Variants in EYS observed in about 807,000 individuals in gnomAD.
EYS encodes the protein EGF-like photoreceptor maintenance factor.
Under a neutral mutation model 282.1 loss-of-function variants are expected in EYS, and 250 were observed. The ratio of observed to expected loss-of-function variants is 0.89; its 90% CI spans 0.80 to 0.98. The LOEUF (loss-of-function observed/expected upper bound fraction) is 0.98, where lower values mean the gene tolerates loss of function less well. Among genes scored for constraint, EYS ranks in the 50% least tolerant of loss-of-function variants. EYS has a pLI of 0.00. For missense variants in EYS, 4,016 were observed against 3,709.0 expected, an observed-to-expected ratio of 1.08 and a Z score of -2.15; for synonymous variants, 1,355 against 1,282.9, an observed-to-expected ratio of 1.06 and a Z score of -1.20.
chr6:65,594,878 A>G (rs995622738), intron 2 of EYS, among the ~76,000 whole-genome samples: 1 of 152,112 alleles, frequency 6.6e-6, no homozygotes, highest in East Asian at 1.9e-4. Flanking sequence ...AGCTTTCTAC[A>G]TATGGCTAGC....
intron 33 of EYS, among the ~76,000 whole-genome samples, chr6:64,048,477 C>T (rs1372537960): frequency 6.6e-6 from 1 of 152,008 alleles, no homozygotes; most frequent in Admixed American, 6.6e-5. Context: ...GTGACCTGAG[C>T]TGGCCTAGAA....
intron 9 of EYS, among the ~76,000 whole-genome samples, chr6:65,346,432 GA>G (rs1190206501): frequency 1.2e-4 from 18 of 146,482 alleles, no homozygotes; most frequent in Non-Finnish European, 2.2e-4. Flanking sequence ...AACAATGTCC[GA>G]AGTGTGTATA....
At chr6:64,561,205 C>G (rs1765384307) in intron 26 of EYS, among the ~76,000 whole-genome samples, 1 of 151,948 alleles carries the variant, frequency 6.6e-6, no homozygotes, top group Non-Finnish European at 1.5e-5. Context: ...TATGACAAAC[C>G]CACAGCCAAC....
At chr6:64,472,798 A>G (rs1562014181) in intron 26 of EYS, among the ~76,000 whole-genome samples, 1 of 152,170 alleles carries the variant, frequency 6.6e-6, no homozygotes, top group Non-Finnish European at 1.5e-5. Flanking sequence ...AGTTAGGGGT[A>G]GAAGCAGCTA....
At position 64,403,353 on chromosome 6, in the gene EYS, A is replaced by T. The variant is rs532228711; in HGVS notation, c.5928-14513T>A. On this transcript the variant is annotated intron_variant, in intron 28 of 42. Transcript: ENST00000503581. ...TCTTAATCATTAAAAGGATAAAAAA[A>T]ACAAAGTAATTTTTTTTTTCTGAGA... is the stretch of plus-strand genomic sequence containing the variant. Among the ~76,000 whole-genome samples the T allele has an allele frequency of 3.3e-5, 5 of 152,238 alleles. No individual in the cohort carries two copies. The South Asian group carries it at 1.0e-3, about 32-fold the overall frequency.
chr6:64,156,778 G>A (rs535529342), intron 31 of EYS, among the ~76,000 whole-genome samples: 180 of 152,246 alleles, frequency 1.2e-3, no homozygotes, highest in Non-Finnish European at 2.1e-3. Context: ...GAACTTGAGA[G>A]AGATGATTCA....
chr6:64,591,479 C>A lies in EYS; in HGVS notation c.4388G>T (p.Arg1463Met). The change falls in exon 26 of 43, where the codon AGG becomes ATG. Residue 1463 changes from arginine (R) to methionine (M), a missense_variant. Physicochemically the swap from Arg to Met is moderately conservative, Grantham distance 91 (BLOSUM62 -1). Coordinates refer to ENST00000503581, the MANE Select transcript of EYS (RefSeq NM_001142800.2). Reference protein sequence around the residue: ...ASISATPVVSRGAQEDIEEYS... With the variant: ...ASISATPVVSMGAQEDIEEYS... ...TTCTTCAATATCCTCTTGAGCCCCC[C>A]TAGAGACAACTGGAGTTGCACTTAT... 6.4e-7 allele frequency: 1 copy of A among 1,551,290 alleles called. No homozygotes were observed. The highest frequency in any genetic ancestry group is 8.7e-7 in the Non-Finnish European group (1 of 1,146,744).
intron 36 of EYS, among the ~76,000 whole-genome samples, chr6:63,829,518 G>A (rs1356347071): frequency 1.3e-5 from 2 of 152,180 alleles, no homozygotes; most frequent in Non-Finnish European, 1.5e-5. Flanking sequence ...CTGGGGGAGG[G>A]GCGTCCACCA....
chr6:65,481,286 C>T (rs1213772542), intron 5 of EYS, among the ~76,000 whole-genome samples: 1 of 151,966 alleles, frequency 6.6e-6, no homozygotes, highest in Non-Finnish European at 1.5e-5. Context: ...GTATTCTATA[C>T]ATTGAACAAC....
At chr6:65,353,656 T>C (rs760468671) in intron 8 of EYS, 39 bp from the exon 9 acceptor site, 15 of 1,566,408 alleles carry the variant, frequency 9.6e-6, no homozygotes, top group South Asian at 2.2e-5. Flanking sequence ...AAATTCTTTT[T>C]TGATATATTT....
At chr6:64,041,347 T>A (rs932050706) in intron 33 of EYS, among the ~76,000 whole-genome samples, 2 of 152,140 alleles carry the variant, frequency 1.3e-5, no homozygotes, top group Non-Finnish European at 1.5e-5. Context: ...TCATGGTACA[T>A]ACAAATTTAA....
intron 35 of EYS, among the ~76,000 whole-genome samples, chr6:63,956,756 C>G (rs758295237): frequency 1.3e-5 from 2 of 152,136 alleles, no homozygotes; most frequent in Non-Finnish European, 2.9e-5. Context: ...AAGTTTAACA[C>G]GTATTTCCCA....
At chr6:65,088,101 AT>A (rs1204082526) in intron 12 of EYS, among the ~76,000 whole-genome samples, 4 of 152,104 alleles carry the variant, frequency 2.6e-5, no homozygotes, top group Non-Finnish European at 4.4e-5. Context: ...TCTCCTACTA[AT>A]CTGGAGCTGT....
At chr6:65,162,106 T>G (rs1170005063) in intron 12 of EYS, among the ~76,000 whole-genome samples, 1 of 151,272 alleles carries the variant, frequency 6.6e-6, no homozygotes, top group Non-Finnish European at 1.5e-5. Context: ...GGAAAGAGCA[T>G]GGACTTTGGA....
chr6:65,661,822 A>G (rs1158172675), intron 1 of EYS, among the ~76,000 whole-genome samples: 1 of 152,164 alleles, frequency 6.6e-6, no homozygotes, highest in African/African-American at 2.4e-5. Context: ...GTTAGAGAAT[A>G]GAATACAAAA....
chr6:65,233,116 G>A (rs1257271329), intron 12 of EYS, among the ~76,000 whole-genome samples: 1 of 152,052 alleles, frequency 6.6e-6, no homozygotes. Context: ...AATTCTTTGA[G>A]CATGTTTTTA....
At chr6:64,125,779 C>T (rs1201719418) in intron 31 of EYS, among the ~76,000 whole-genome samples, 3 of 131,494 alleles carry the variant, frequency 2.3e-5, no homozygotes, top group African/African-American at 9.8e-5. Context: ...GAGCAAGACT[C>T]CGTCTCAAAA....
chr6:65,228,697 T>C (rs2150265742), intron 12 of EYS, among the ~76,000 whole-genome samples: 1 of 152,140 alleles, frequency 6.6e-6, no homozygotes. Context: ...TTATAAATCA[T>C]GTGAAAATGC....
intron 5 of EYS, among the ~76,000 whole-genome samples, chr6:65,473,228 A>T (rs183068381): frequency 6.6e-6 from 1 of 152,116 alleles, no homozygotes; most frequent in East Asian, 1.9e-4. Flanking sequence ...GATAAATAAT[A>T]GATAAATTTG....
Sources: allele counts gnomAD v4.1 joint callset (sites outside exome capture counted in the v4.1 genomes callset), GRCh38; gene constraint gnomAD v4.1.1; transcripts MANE v1.5; gene names NCBI Gene and HGNC (gene_info 2026-07-23, HGNC 2026-07-21).